The following XPNPEP1 variants were observed in gnomAD, a reference collection of about 807,000 sequenced individuals.
The protein encoded by XPNPEP1 is xaa-Pro aminopeptidase 1.
A neutral mutation model predicts 92.4 loss-of-function variants in XPNPEP1; 39 were observed. The ratio of observed to expected loss-of-function variants is 0.42; its 90% CI spans 0.33 to 0.55. The LOEUF is 0.55. XPNPEP1 is among the 20% of genes least tolerant of loss of function. The probability of loss-of-function intolerance (pLI) is 0.08; values close to 1 mark genes in which losing one functional copy is unlikely to be tolerated. For synonymous variants in XPNPEP1, 307 were observed against 299.4 expected, an observed-to-expected ratio of 1.03 and a Z score of -0.26; for missense variants, 654 against 856.1, an observed-to-expected ratio of 0.76 and a Z score of 2.95.
intron 19 of XPNPEP1, among the ~76,000 whole-genome samples, chr10:109,869,014 G>C (rs546008946): frequency 3.6e-4 from 55 of 152,310 alleles, no homozygotes; most frequent in South Asian, 1.2e-3. Context: ...GCAGGATATG[G>C]GGGTATCTGG....
Position 109,880,901 on chromosome 10 carries a change from T to C in XPNPEP1, c.1072A>G (p.Ile358Val), listed in dbSNP as rs376193735. 3.7e-6 allele frequency: 6 copies of C among 1,613,846 alleles called. No homozygotes were observed. In the African/African-American group the frequency reaches 8.0e-5, roughly 22 times the overall value. The change falls in exon 11 of 21, where the codon ATC becomes GTC. Residue 358 changes from isoleucine to valine, a missense_variant. Transcript: ENST00000502935. ...TTCTTCACAGCTTTGGCGATGCAGATGGGGGTGTAAGGCATACAGCAGCGG... is the reference window on the plus strand; with the variant it reads ...TTCTTCACAGCTTTGGCGATGCAGACGGGGGTGTAAGGCATACAGCAGCGG... ...DHRCCMPYTPICIAKAVKNSA... is the reference protein window; with the variant it reads ...DHRCCMPYTPVCIAKAVKNSA...
chr10:109,868,162 C>A (rs752857087), intron 20 of XPNPEP1, among the ~76,000 whole-genome samples: 5 of 152,068 alleles, frequency 3.3e-5, no homozygotes, highest in Admixed American at 2.6e-4. Context: ...ACAGGACATA[C>A]GATAATAGAT....
At chr10:109,923,253 C>A in intron 1 of XPNPEP1, 149 bp downstream of exon 1, 5 of 1,182,870 alleles carry the variant, frequency 4.2e-6, no homozygotes, top group Non-Finnish European at 5.2e-6. Context: ...GGCTCCTGTT[C>A]CGGGGCTCCG....
intron 3 of XPNPEP1, among the ~76,000 whole-genome samples, chr10:109,900,535 C>T (rs1849228284): frequency 6.6e-6 from 1 of 152,168 alleles, no homozygotes; most frequent in Admixed American, 6.5e-5. Flanking sequence ...AGGCTTCAAA[C>T]CTTCCCAATC....
Position 109,873,347 on chromosome 10 carries a change from GTTT to G in XPNPEP1, c.1452+17_1452+19del, listed in dbSNP as rs760953692. On this transcript the variant is annotated intron_variant, in intron 16 of 20. Transcript: ENST00000502935. ...TAAGAAAGCAGAGAGGACCTCTTGA[GTTT>G]TTTACCTCCACCTTACCTTCTCGTA... 20 of 1,614,056 alleles carry G rather than the reference GTTT, an allele frequency of 1.2e-5. No individual in the cohort carries two copies. In the East Asian group the frequency reaches 3.1e-4, roughly 25 times the overall value.
rs539694871 is a variant in XPNPEP1 at position 109,869,977 on chromosome 10, G to A, written c.1749C>T (p.Val583=). ...GAFGIRIENV[V]LVVPVKTKYN... is the part of the protein sequence containing the mutation. ...CCTTGGTCTTCACAGGAACCACAAGGACAACATTCTCAATGCGAATTCCAA... is the reference window on the plus strand; with the variant it reads ...CCTTGGTCTTCACAGGAACCACAAGAACAACATTCTCAATGCGAATTCCAA... Residue 583 remains valine, a synonymous_variant, in exon 19 of 21, where the codon GTC becomes GTT. Coordinates refer to ENST00000502935, the MANE Select transcript of XPNPEP1 (RefSeq NM_020383.4). 49 of 1,614,122 alleles carry A rather than the reference G, an allele frequency of 3.0e-5. No individual in the cohort carries two copies. In the South Asian group the frequency reaches 5.2e-4, roughly 17 times the overall value.
At chr10:109,910,493 G>A (rs1266968706) in intron 2 of XPNPEP1, among the ~76,000 whole-genome samples, 4 of 148,592 alleles carry the variant, frequency 2.7e-5, no homozygotes, top group African/African-American at 7.5e-5. Flanking sequence ...GTGGTGAGCC[G>A]AGATCACACC....
At chr10:109,884,910 C>G (rs918992651) in intron 8 of XPNPEP1, among the ~76,000 whole-genome samples, 1 of 152,212 alleles carries the variant, frequency 6.6e-6, no homozygotes, top group Non-Finnish European at 1.5e-5. Flanking sequence ...AGTATAACCT[C>G]TATTTTAAAA....
intron 3 of XPNPEP1, chr10:109,893,296 AT>A (rs1236897335): frequency 2.3e-6 from 1 of 434,918 alleles, no homozygotes; most frequent in East Asian, 3.4e-5. Context: ...TTTAGCCTCT[AT>A]TTCCTCATTA....
rs190527131 is a variant in XPNPEP1, at chr10:109,879,056, C to G, written c.1183-998G>C. ...AGGAGATCGAGACCATCCTGGCTAA[C>G]ACAGTGAAACCCCGTCTCTACTAAA... is the stretch of plus-strand genomic sequence containing the variant. On this transcript the variant is annotated intron_variant, in intron 12 of 20. Coordinates refer to ENST00000502935, the MANE Select transcript of XPNPEP1 (RefSeq NM_020383.4). Among the ~76,000 whole-genome samples the G allele has an allele frequency of 4.4e-3, 616 of 141,560 alleles. 4 individuals are homozygous for G. Among genetic ancestry groups the G allele is most frequent in the African/African-American group, 0.016 (595 of 38,116 alleles). 92.9% of individuals were successfully genotyped at this position (141,560 alleles called of 152,430 possible).
At chr10:109,869,837 T>G in intron 19 of XPNPEP1, 116 bp downstream of exon 19, 1 of 1,081,936 alleles carries the variant, frequency 9.2e-7, no homozygotes, top group Non-Finnish European at 1.4e-6. Context: ...CTTCCCACAC[T>G]AAGAAACAGG....
In XPNPEP1 at chr10:109,891,566, T is replaced by C. The variant is rs1026913981; in HGVS notation, c.415+156A>G. On this transcript the variant is annotated intron_variant, in intron 5 of 20. Coordinates refer to ENST00000502935, the MANE Select transcript of XPNPEP1 (RefSeq NM_020383.4). ...AATTGAATGCACATTGGTACGTATGTATAGGCATGCCATTTTTTTTTTTCT... is the reference window on the plus strand; with the variant it reads ...AATTGAATGCACATTGGTACGTATGCATAGGCATGCCATTTTTTTTTTTCT... The C allele has an allele frequency of 1.4e-5, 8 of 570,618 alleles. No homozygotes were observed. In the Admixed American group the frequency reaches 2.9e-4, roughly 20 times the overall value. The allele number at this position is 570,618 out of a possible 1,614,324, so 35.3% of individuals were successfully genotyped here.
At chr10:109,888,652 C>T in intron 5 of XPNPEP1, 57 bp from the exon 6 acceptor site, 2 of 1,379,532 alleles carry the variant, frequency 1.4e-6, no homozygotes, top group Non-Finnish European at 2.0e-6. Context: ...CTCATTATCC[C>T]ACCAGAAAGA....
intron 3 of XPNPEP1, among the ~76,000 whole-genome samples, chr10:109,900,782 A>C (rs1849245629): frequency 1.3e-5 from 2 of 152,166 alleles, no homozygotes; most frequent in South Asian, 4.1e-4. Flanking sequence ...CTGGTGGTCA[A>C]GGACAACCAT....
chr10:109,918,869 A>T (rs1245323977), intron 1 of XPNPEP1, among the ~76,000 whole-genome samples: 1 of 54,660 alleles, frequency 1.8e-5, no homozygotes, highest in Non-Finnish European at 3.6e-5. Flanking sequence ...GGAAGGAAGG[A>T]AGGAAGGAAG....
At chr10:109,879,425 C>G (rs1415006342) in intron 12 of XPNPEP1, among the ~76,000 whole-genome samples, 1 of 151,814 alleles carries the variant, frequency 6.6e-6, no homozygotes, top group Non-Finnish European at 1.5e-5. Context: ...CGAAAATTAG[C>G]CAGGCGCAGT....
At chr10:109,878,974 G>A (rs1847931659) in intron 12 of XPNPEP1, among the ~76,000 whole-genome samples, 1 of 152,138 alleles carries the variant, frequency 6.6e-6, no homozygotes, top group Admixed American at 6.5e-5. Context: ...CAGGCACGGT[G>A]GCTCACGCCT....
At chr10:109,901,100 G>A (rs560579201) in intron 3 of XPNPEP1, among the ~76,000 whole-genome samples, 1 of 152,196 alleles carries the variant, frequency 6.6e-6, no homozygotes, top group South Asian at 2.1e-4. Context: ...ATTCTATGCA[G>A]CCATAAAAAA....
At chr10:109,893,621 G>A (rs1397249963) in intron 3 of XPNPEP1, 1 of 152,764 alleles carries the variant, frequency 6.5e-6, no homozygotes, top group Admixed American at 6.5e-5. Flanking sequence ...ATCCAATCCA[G>A]GAGGCTTCAG....
Sources: allele counts gnomAD v4.1 joint callset (sites outside exome capture counted in the v4.1 genomes callset), GRCh38; gene constraint gnomAD v4.1.1; transcripts MANE v1.5; gene names NCBI Gene and HGNC (gene_info 2026-07-23, HGNC 2026-07-21).